Variants in TYW1 observed in about 807,000 individuals in gnomAD.
TYW1 encodes tRNA-yW synthesizing protein 1 homolog, also known as S-adenosyl-L-methionine-dependent tRNA 4-demethylwyosine synthase TYW1.
In TYW1, 46 loss-of-function variants were observed where a neutral mutation model predicts 96.2. The observed-to-expected ratio is 0.48, with a 90% CI of 0.38 to 0.61. The LOEUF (loss-of-function observed/expected upper bound fraction) is 0.61, where lower values mean the gene tolerates loss of function less well. Among genes scored for constraint, TYW1 ranks in the 20% least tolerant of loss-of-function variants. The probability of loss-of-function intolerance (pLI) is 0.00; values close to 1 mark genes in which losing one functional copy is unlikely to be tolerated. For synonymous variants in TYW1, 274 were observed against 323.0 expected, an observed-to-expected ratio of 0.85 and a Z score of 1.63; for missense variants, 684 against 909.6, an observed-to-expected ratio of 0.75 and a Z score of 3.19.
chr7:67,014,919 G>A (rs11520643), intron 5 of TYW1, among the ~76,000 whole-genome samples: 16,618 of 150,814 alleles, frequency 0.11, 949 homozygotes, highest in Middle Eastern at 0.15. Context: ...TACTAGAGAC[G>A]GGGTTTCACC....
intron 3 of TYW1, among the ~76,000 whole-genome samples, chr7:67,007,484 A>T (rs1356774142): frequency 1.3e-5 from 2 of 152,118 alleles, no homozygotes; most frequent in African/African-American, 4.8e-5. Context: ...GCCACTCCTG[A>T]GGGACCCACC....
At chr7:67,036,630 C>T (rs1395001617) in intron 7 of TYW1, among the ~76,000 whole-genome samples, 1 of 152,220 alleles carries the variant, frequency 6.6e-6, no homozygotes, top group Non-Finnish European at 1.5e-5. Flanking sequence ...TGGAGTCACT[C>T]ACTGGAGGCT....
intron 13 of TYW1, among the ~76,000 whole-genome samples, chr7:67,162,591 T>G (rs1267912298): frequency 1.3e-5 from 2 of 152,204 alleles, no homozygotes; most frequent in African/African-American, 4.8e-5. Context: ...ATCCTTCTCA[T>G]ACCCTGTCTT....
intron 15 of TYW1, among the ~76,000 whole-genome samples, chr7:67,235,398 G>C (rs1801852312): frequency 6.6e-6 from 1 of 152,184 alleles, no homozygotes; most frequent in Non-Finnish European, 1.5e-5. Context: ...TGACTGTCAT[G>C]CATGTTGAAT....
At chr7:67,145,295 C>A (rs1444759278) in intron 13 of TYW1, among the ~76,000 whole-genome samples, 2 of 151,632 alleles carry the variant, frequency 1.3e-5, no homozygotes, top group Non-Finnish European at 2.9e-5. Context: ...ACTACAGGTG[C>A]CCGCCAGCAC....
chr7:67,107,378 A>G (rs1797275481), intron 12 of TYW1, among the ~76,000 whole-genome samples: 1 of 152,024 alleles, frequency 6.6e-6, no homozygotes, highest in Non-Finnish European at 1.5e-5. Context: ...TTAAAATCTA[A>G]TTTTCTCTCC....
chr7:67,006,499 G>A (rs1793595277), intron 3 of TYW1, among the ~76,000 whole-genome samples: 1 of 143,388 alleles, frequency 7.0e-6, no homozygotes, highest in Non-Finnish European at 1.5e-5. Flanking sequence ...GAGTGCAGTG[G>A]CGTGATCTCG....
intron 6 of TYW1, among the ~76,000 whole-genome samples, chr7:67,024,304 A>AG (rs1048009037): frequency 1.4e-4 from 22 of 152,078 alleles, no homozygotes; most frequent in African/African-American, 4.8e-4. Flanking sequence ...AGTTGGGATT[A>AG]TAGGCATGTG....
At chr7:67,208,567 G>A (rs1800890063) in intron 15 of TYW1, among the ~76,000 whole-genome samples, 1 of 151,810 alleles carries the variant, frequency 6.6e-6, no homozygotes, top group Admixed American at 6.6e-5. Context: ...GCGCGTGCCT[G>A]TAGTCCCAGC....
At chr7:67,205,868 G>A (rs1479570908) in intron 15 of TYW1, among the ~76,000 whole-genome samples, 12 of 151,958 alleles carry the variant, frequency 7.9e-5, no homozygotes, top group Admixed American at 7.9e-4. Context: ...GGATATCTGA[G>A]CCAAAAATAA....
At chr7:67,199,855 G>A (rs759123967) in intron 15 of TYW1, among the ~76,000 whole-genome samples, 18 of 151,986 alleles carry the variant, frequency 1.2e-4, no homozygotes, top group Non-Finnish European at 1.8e-4. Context: ...CATATTTAAA[G>A]TACCTAGAAG....
At chr7:67,110,504 T>G (rs1797369895) in intron 12 of TYW1, among the ~76,000 whole-genome samples, 1 of 152,172 alleles carries the variant, frequency 6.6e-6, no homozygotes, top group African/African-American at 2.4e-5. Flanking sequence ...AGCTGACCAC[T>G]AAGCTAACCA....
intron 7 of TYW1, among the ~76,000 whole-genome samples, chr7:67,047,813 G>A (rs1795234574): frequency 9.7e-6 from 1 of 103,366 alleles, no homozygotes; most frequent in Non-Finnish European, 2.1e-5. Flanking sequence ...TTTTTTTGAG[G>A]CAGAGTCTCT....
At chr7:67,041,023 TTGGGCTTTA>T (rs1223090525) in intron 7 of TYW1, among the ~76,000 whole-genome samples, 2 of 152,148 alleles carry the variant, frequency 1.3e-5, no homozygotes, top group Non-Finnish European at 2.9e-5. Flanking sequence ...TGAAATGATT[TTGGGCTTTA>T]TGAGCTTTAA....
intron 13 of TYW1, among the ~76,000 whole-genome samples, chr7:67,122,002 T>A (rs533584784): frequency 4.3e-4 from 64 of 148,426 alleles, no homozygotes; most frequent in Non-Finnish European, 6.4e-4. Context: ...GTCCTTTTTT[T>A]AAAAAAAGAG....
At chr7:67,088,193 T>A (rs1386595446) in intron 11 of TYW1, among the ~76,000 whole-genome samples, 1 of 152,162 alleles carries the variant, frequency 6.6e-6, no homozygotes, top group African/African-American at 2.4e-5. Context: ...TCACAATGAA[T>A]GAGAGATCCC....
intron 12 of TYW1, chr7:67,114,342 TCATTCTA>T: frequency 6.5e-6 from 1 of 153,762 alleles, no homozygotes; most frequent in Non-Finnish European, 1.5e-5. Context: ...ATGTCAGGCC[TCATTCTA>T]CCTTCTGAGC....
intron 12 of TYW1, among the ~76,000 whole-genome samples, chr7:67,115,126 T>C (rs1797554140): frequency 6.6e-6 from 1 of 152,102 alleles, no homozygotes. Context: ...TCTTAAGTAG[T>C]TATGGAAGCA....
At chr7:67,200,321 A>G (rs1800550178) in intron 15 of TYW1, among the ~76,000 whole-genome samples, 1 of 152,132 alleles carries the variant, frequency 6.6e-6, no homozygotes, top group Non-Finnish European at 1.5e-5. Context: ...CGCTGCTGAT[A>G]AAGACATACC....
Sources: allele counts gnomAD v4.1 joint callset (sites outside exome capture counted in the v4.1 genomes callset), GRCh38; gene constraint gnomAD v4.1.1; transcripts MANE v1.5; gene names NCBI Gene and HGNC (gene_info 2026-07-23, HGNC 2026-07-21).